The following SFXN5 variants were observed in gnomAD, a reference collection of about 807,000 sequenced individuals.
The protein encoded by SFXN5 is sideroflexin-5.
A neutral mutation model predicts 50.2 loss-of-function variants in SFXN5; 43 were observed. The observed-to-expected ratio is 0.86, with a 90% CI of 0.67 to 1.11. The LOEUF is 1.11. Ranked by LOEUF, SFXN5 falls within the 50% of genes least tolerant of loss-of-function variation. SFXN5 has a pLI of 0.00. For missense variants in SFXN5, 463 were observed against 454.1 expected (o/e 1.02, Z -0.18); for synonymous variants, 203 against 185.8 (o/e 1.09, Z -0.75).
chr2:72,988,374 A>AG (rs755528032), intron 9 of SFXN5, 26 bp from the exon 10 acceptor site: 2 of 1,604,672 alleles, frequency 1.2e-6, no homozygotes, highest in African/African-American at 2.7e-5. Flanking sequence ...ATAAAAACAC[A>AG]GAAAAAGTAC....
chr2:73,023,409 A>G (rs1677160886), intron 3 of SFXN5, among the ~76,000 whole-genome samples, 195 bp from the exon 4 acceptor site: 1 of 152,130 alleles, frequency 6.6e-6, no homozygotes, highest in Admixed American at 6.5e-5. Flanking sequence ...TAAGGGCCAG[A>G]GAGGTCCCAG....
At chr2:73,025,471 T>C (rs928849962) in intron 3 of SFXN5, among the ~76,000 whole-genome samples, 2 of 152,232 alleles carry the variant, frequency 1.3e-5, no homozygotes, top group African/African-American at 2.4e-5. Flanking sequence ...AACAGAAGTA[T>C]ACCTAGACTT....
At position 72,988,342 on chromosome 2, in the gene SFXN5, G is replaced by A. The variant is rs1672157534; in HGVS notation, c.541C>T (p.Leu181Phe). Residue 181 changes from leucine (L) to phenylalanine (F), a missense_variant, in exon 10 of 14, where the codon CTT becomes TTT. Transcript: ENST00000272433. ...VISAVSIAVGLNVLVQKANKF... is the reference protein window; with the variant it reads ...VISAVSIAVGFNVLVQKANKF... ...TTGGCTTTCTGAACCAGGACATTAA[G>A]GCCCACCTTTGAAAGAAAAAAATAA... The A allele has an allele frequency of 6.2e-7, 1 of 1,613,702 alleles. No homozygotes were observed. Among genetic ancestry groups the A allele is most frequent in the Non-Finnish European group, 8.5e-7 (1 of 1,179,766 alleles).
chr2:72,968,688 AAAAAGC>A (rs1674770673), intron 11 of SFXN5, among the ~76,000 whole-genome samples, 155 bp from the exon 12 acceptor site: 1 of 151,782 alleles, frequency 6.6e-6, no homozygotes, highest in Non-Finnish European at 1.5e-5. Flanking sequence ...CAAACAACAA[AAAAAGC>A]CACTGGTCTC....
In SFXN5 at chr2:72,944,128, CTCTCAGCCCCAG is replaced by C. The variant is rs1320403874; in HGVS notation, c.*882_*893del. On this transcript the variant is annotated 3_prime_UTR_variant, in exon 14 of 14. Transcript: ENST00000272433. ...AGGCAGCCAGCCCAGTCTAGCCCCA[CTCTCAGCCCCAG>C]AACCCAGCATCCAGCCTGGGGCCTG... 2.0e-5 allele frequency: 3 copies of C among 152,280 alleles called. No individual in the cohort carries two copies. Among genetic ancestry groups the C allele is most frequent in the Admixed American group, 6.5e-5 (1 of 15,290 alleles). The allele number at this position is 152,280 out of a possible 1,614,324, so 9.4% of individuals were successfully genotyped here. A position where few individuals can be genotyped will look rare whatever the true frequency, so the allele number is the denominator to read the frequency against.
chr2:72,959,829 C>G (rs891259691), intron 13 of SFXN5, among the ~76,000 whole-genome samples: 32 of 152,182 alleles, frequency 2.1e-4, no homozygotes, highest in African/African-American at 7.5e-4. Context: ...AGGACAAATA[C>G]ATAAATAAAA....
At chr2:73,013,176 C>T (rs548964871) in intron 6 of SFXN5, among the ~76,000 whole-genome samples, 5 of 152,158 alleles carry the variant, frequency 3.3e-5, no homozygotes, top group African/African-American at 1.2e-4. Context: ...AAATTAAAGG[C>T]AGTGTTTCTC....
chr2:72,981,639 T>C (rs1256076992), intron 10 of SFXN5, among the ~76,000 whole-genome samples: 3 of 152,176 alleles, frequency 2.0e-5, no homozygotes, highest in Admixed American at 6.5e-5. Context: ...GACACTTTCC[T>C]CTGGCTGCCT....
intron 2 of SFXN5, among the ~76,000 whole-genome samples, chr2:73,044,266 T>G (rs533742255): frequency 4.2e-4 from 64 of 152,314 alleles, no homozygotes; most frequent in Non-Finnish European, 8.5e-4. Flanking sequence ...GATCCAAGGT[T>G]CCTGCAGACA....
rs1394744556 is a variant in SFXN5 at position 72,950,885 on chromosome 2, G to T, written c.946-5786C>A. On this transcript the variant is annotated intron_variant, in intron 13 of 13. Coordinates refer to ENST00000272433, the MANE Select transcript of SFXN5 (RefSeq NM_144579.3). This position sits in a 1 kb window ranked among gnomAD's most constrained non-coding sequence, Gnocchi z 4.2. ...TGAGGGGCCTTCTCCGGGGATAAGG[G>T]GATGAGGAGAGAGGACAAGGAGTGG... Among the ~76,000 whole-genome samples, 1 of 152,232 alleles carries T rather than the reference G, an allele frequency of 6.6e-6. No individual in the cohort carries two copies. Among genetic ancestry groups the T allele is most frequent in the Non-Finnish European group, 1.5e-5 (1 of 68,042 alleles).
chr2:73,046,218 G>A (rs894789232), intron 2 of SFXN5, among the ~76,000 whole-genome samples: 6 of 152,022 alleles, frequency 3.9e-5, no homozygotes, highest in African/African-American at 1.4e-4. Context: ...AGACCACCCT[G>A]GCCAACATGG....
chr2:72,990,262 C>A (rs1247328324), intron 9 of SFXN5, among the ~76,000 whole-genome samples: 2 of 152,230 alleles, frequency 1.3e-5, no homozygotes, highest in Admixed American at 1.3e-4. Flanking sequence ...CAATCCTTGT[C>A]CTCCCAGCTC....
At chr2:72,968,927 C>T (rs376402176) in intron 11 of SFXN5, among the ~76,000 whole-genome samples, 4 of 151,956 alleles carry the variant, frequency 2.6e-5, no homozygotes, top group East Asian at 1.9e-4. Flanking sequence ...CTCAGCCTCC[C>T]GAGTAGCTGG....
At chr2:72,963,958 G>C (rs1674069401) in intron 12 of SFXN5, among the ~76,000 whole-genome samples, 1 of 152,210 alleles carries the variant, frequency 6.6e-6, no homozygotes, top group South Asian at 2.1e-4. Flanking sequence ...CCCAGAGGCA[G>C]CCCAGTGCGC....
chr2:73,000,581 C>G, intron 7 of SFXN5, 94 bp from the exon 8 acceptor site: 1 of 1,212,450 alleles, frequency 8.2e-7, no homozygotes, highest in Non-Finnish European at 1.2e-6. Flanking sequence ...CCCAGAAAGG[C>G]ACAGCATGCG....
At chr2:73,046,636 C>T (rs1168518980) in intron 2 of SFXN5, among the ~76,000 whole-genome samples, 1 of 151,862 alleles carries the variant, frequency 6.6e-6, no homozygotes, top group Non-Finnish European at 1.5e-5. Context: ...ATGATCACTG[C>T]CACTGCACCC....
chr2:72,955,290 C>G (rs1305425849), intron 13 of SFXN5, among the ~76,000 whole-genome samples: 1 of 152,218 alleles, frequency 6.6e-6, no homozygotes, highest in South Asian at 2.1e-4. Flanking sequence ...GCCCGCCGCC[C>G]GCCCGTTCAC....
At chr2:73,025,635 T>C (rs1250884179) in intron 3 of SFXN5, among the ~76,000 whole-genome samples, 1 of 152,034 alleles carries the variant, frequency 6.6e-6, no homozygotes, top group African/African-American at 2.4e-5. Context: ...ATGTCACACA[T>C]CTTTGAAAGG....
At chr2:72,957,373 C>T (rs1673218470) in intron 13 of SFXN5, among the ~76,000 whole-genome samples, 1 of 152,150 alleles carries the variant, frequency 6.6e-6, no homozygotes, top group South Asian at 2.1e-4. Flanking sequence ...TTTTAATAAG[C>T]AGAACTACTA....
Sources: allele counts gnomAD v4.1 joint callset (sites outside exome capture counted in the v4.1 genomes callset), GRCh38; gene constraint gnomAD v4.1.1; non-coding constraint Gnocchi (gnomAD v3.1); transcripts MANE v1.5; gene names NCBI Gene and HGNC (gene_info 2026-07-23, HGNC 2026-07-21).